Variants in SVIL observed in about 807,000 individuals in gnomAD.
SVIL encodes archvillin.
Under a neutral mutation model 240.4 loss-of-function variants are expected in SVIL, and 101 were observed. The ratio of observed to expected loss-of-function variants is 0.42; its 90% CI spans 0.36 to 0.50. The LOEUF is 0.50. Ranked by LOEUF, SVIL falls within the 20% of genes least tolerant of loss-of-function variation. The pLI is 0.01. For synonymous variants in SVIL, 999 were observed against 1,100.0 expected (o/e 0.91, Z 1.82); for missense variants, 2,512 against 2,818.7 (o/e 0.89, Z 2.46).
rs1332919506 is a variant in SVIL at position 29,465,672 on chromosome 10, A to G, written c.6056T>C (p.Val2019Ala). The stretch of plus-strand genomic sequence containing the variant: ...CACAGAGGGGGCTCGGGCAGGGTAC[A>G]CAAACTCTGTGGCTGCAAAATCCCC... ...SSGDFAATEF[V>A]YPARAPSVVS... Residue 2019 changes from valine to alanine, a missense_variant, in exon 34 of 38, where the codon GTG becomes GCG. Val to Ala is a moderately conservative substitution (Grantham distance 64). This residue lies in a region of SVIL where 797 missense variants were observed against 925.3 expected (regional missense o/e 0.86). Coordinates refer to ENST00000355867, the MANE Select transcript of SVIL (RefSeq NM_021738.3). The G allele has an allele frequency of 6.2e-7, 1 of 1,613,702 alleles. No homozygotes were observed. Among genetic ancestry groups the G allele is most frequent in the South Asian group, 1.1e-5 (1 of 91,064 alleles).
At chr10:29,580,661 A>G (rs1258852208) in intron 1 of SVIL, among the ~76,000 whole-genome samples, 2 of 152,096 alleles carry the variant, frequency 1.3e-5, no homozygotes, top group African/African-American at 2.4e-5. Flanking sequence ...TAATTAATGT[A>G]TGTATGTATG....
intron 1 of SVIL, among the ~76,000 whole-genome samples, chr10:29,717,843 T>G (rs560077015): frequency 6.6e-6 from 1 of 152,196 alleles, no homozygotes; most frequent in East Asian, 1.9e-4. Flanking sequence ...ATAAATTTTA[T>G]AAAAGCTAAA....
chr10:29,585,203 T>C (rs1182535277), intron 1 of SVIL, among the ~76,000 whole-genome samples: 2 of 151,948 alleles, frequency 1.3e-5, no homozygotes, highest in Non-Finnish European at 1.5e-5. Flanking sequence ...CCACCTCAGC[T>C]GGGACCACAG....
intron 1 of SVIL, among the ~76,000 whole-genome samples, chr10:29,588,283 T>G (rs1245723147): frequency 6.6e-6 from 1 of 151,666 alleles, no homozygotes; most frequent in Non-Finnish European, 1.5e-5. Context: ...TAGAGTCCTG[T>G]GCCTAGTCAA....
At chr10:29,701,226 C>A (rs1564776623) in intron 1 of SVIL, among the ~76,000 whole-genome samples, 1 of 152,100 alleles carries the variant, frequency 6.6e-6, no homozygotes, top group Non-Finnish European at 1.5e-5. Context: ...TTCCACAAGA[C>A]CTGATTTAGT....
chr10:29,699,068 G>A (rs1420362930), intron 1 of SVIL, among the ~76,000 whole-genome samples: 1 of 152,220 alleles, frequency 6.6e-6, no homozygotes, highest in African/African-American at 2.4e-5. Flanking sequence ...CCTTGTCTTT[G>A]TCTAATAGCT....
chr10:29,509,335 GAGAGAGA>G lies in SVIL; in HGVS notation c.3516+3393_3516+3399del, dbSNP rs1564541013. Among the ~76,000 whole-genome samples, 164 of 47,150 alleles carry G rather than the reference GAGAGAGA, an allele frequency of 3.5e-3. 2 individuals carry two copies. Among genetic ancestry groups the G allele is most frequent in the Admixed American group, 8.7e-3 (36 of 4,136 alleles). 30.9% of individuals were successfully genotyped at this position (47,150 alleles called of 152,430 possible). A position where few individuals can be genotyped will look rare whatever the true frequency, so the allele number is the denominator to read the frequency against. ...AAAGGGAGAAGGAGGGGGAGGGAGA[GAGAGAGA>G]GAGAGAGAGAGAGAGAGAGAGAGAG... On this transcript the variant is annotated intron_variant, in intron 17 of 37. Coordinates refer to ENST00000355867, the MANE Select transcript of SVIL (RefSeq NM_021738.3).
chr10:29,553,073 C>T (rs961132085), intron 5 of SVIL, among the ~76,000 whole-genome samples: 5 of 151,508 alleles, frequency 3.3e-5, no homozygotes, highest in Non-Finnish European at 7.4e-5. Context: ...CTGCCTCAGC[C>T]TCCCAAAGTG....
chr10:29,513,399 T>A (rs1378186496), intron 16 of SVIL, among the ~76,000 whole-genome samples: 1 of 152,082 alleles, frequency 6.6e-6, no homozygotes, highest in Non-Finnish European at 1.5e-5. Context: ...TGAAACCCCA[T>A]CTCTACTAAA....
chr10:29,714,146 T>A (rs1257260378), intron 1 of SVIL, among the ~76,000 whole-genome samples: 1 of 152,222 alleles, frequency 6.6e-6, no homozygotes, highest in Admixed American at 6.5e-5. Context: ...GTGTCAGAAC[T>A]GGGACTGGAA....
intron 1 of SVIL, among the ~76,000 whole-genome samples, chr10:29,732,947 C>T (rs1182477204): frequency 6.6e-6 from 1 of 151,914 alleles, no homozygotes; most frequent in Non-Finnish European, 1.5e-5. Flanking sequence ...AGGCCCACCA[C>T]AAAATTACAC....
intron 2 of SVIL, among the ~76,000 whole-genome samples, chr10:29,565,407 A>G (rs1342561735): frequency 3.9e-5 from 6 of 152,194 alleles, no homozygotes; most frequent in Middle Eastern, 3.2e-3. Context: ...GTCAGAAACC[A>G]AAGAAAACCA....
At chr10:29,657,417 A>G (rs146446199) in intron 3 of SVIL, among the ~76,000 whole-genome samples, 60 of 152,266 alleles carry the variant, frequency 3.9e-4, no homozygotes, top group African/African-American at 1.4e-3. Context: ...CTTTAATCCA[A>G]TGCTTTCCAA....
In SVIL at chr10:29,719,375, C is replaced by G. The variant is rs543930785; in HGVS notation, c.-400+16376G>C. On this transcript the variant is annotated intron_variant, in intron 1 of 35. Coordinates refer to the SVIL transcript ENST00000375400. ...TACCTAATAAATCTTGAAAGTAAGA[C>G]AAAAGAATCAACTGTCTCCAAGTAA... Among the ~76,000 whole-genome samples, 31 of 152,244 alleles carry G rather than the reference C, an allele frequency of 2.0e-4. 1 individual carries two copies. In the South Asian group the frequency reaches 6.2e-3, roughly 31 times the overall value.
At chr10:29,685,480 T>A (rs1235851070) in intron 2 of SVIL, among the ~76,000 whole-genome samples, 1 of 152,234 alleles carries the variant, frequency 6.6e-6, no homozygotes, top group Non-Finnish European at 1.5e-5. Context: ...CTGCTTTAAG[T>A]TCTTCAAGGA....
Position 29,458,420 on chromosome 10 carries a change from G to A in SVIL, c.6558+14C>T, listed in dbSNP as rs1470078101. ...TTTTACTCCCATCCCCACCCCACCG[G>A]AAGAACCGCTTACCTCGAAGTCTTC... is the stretch of plus-strand genomic sequence containing the variant. On this transcript the variant is annotated intron_variant, in intron 37 of 37. Coordinates refer to ENST00000355867, the MANE Select transcript of SVIL (RefSeq NM_021738.3). 6.3e-7 allele frequency: 1 copy of A among 1,593,386 alleles called. No individual in the cohort carries two copies. The highest frequency in any genetic ancestry group is 1.7e-5 in the Admixed American group (1 of 58,002).
rs1195767333 is a variant in SVIL, at chr10:29,672,709, T to C, written c.-301+13844A>G. Among the ~76,000 whole-genome samples, 19 of 152,236 alleles carry C rather than the reference T, an allele frequency of 1.2e-4. No homozygotes were observed. The East Asian group carries it at 3.5e-3, about 28-fold the overall frequency. ...ATATCTCCTCCTCTCTGCTGCACTCTTCCTGCAGAGTGGGAAGTTCCTTCC... is the reference window on the plus strand; with the variant it reads ...ATATCTCCTCCTCTCTGCTGCACTCCTCCTGCAGAGTGGGAAGTTCCTTCC... On this transcript the variant is annotated intron_variant, in intron 2 of 35. Coordinates refer to the SVIL transcript ENST00000375400.
At chr10:29,635,990 A>T (rs1958296641), upstream of SVIL, among the ~76,000 whole-genome samples, 1 of 152,198 alleles carries the variant, frequency 6.6e-6, no homozygotes, top group Non-Finnish European at 1.5e-5. Flanking sequence ...CTACAGAACA[A>T]TGCCTCTCCC....
chr10:29,717,398 T>C (rs1014010116), intron 1 of SVIL, among the ~76,000 whole-genome samples: 1 of 152,016 alleles, frequency 6.6e-6, no homozygotes, highest in Non-Finnish European at 1.5e-5. Flanking sequence ...ATGTCAAAAT[T>C]GACATTTTTC....
Sources: allele counts gnomAD v4.1 joint callset (sites outside exome capture counted in the v4.1 genomes callset), GRCh38; gene constraint gnomAD v4.1.1; regional missense constraint gnomAD v4.1.1; transcripts MANE v1.5; gene names NCBI Gene and HGNC (gene_info 2026-07-23, HGNC 2026-07-21).